Variants in GALNT17 observed in about 807,000 individuals in gnomAD.
The protein encoded by GALNT17 is UDP-GalNAc:polypeptide N-acetylgalactosaminyltransferase-like 3.
GALNT17 carries 29 observed loss-of-function variants against 63.7 expected under a neutral mutation model. The observed-to-expected ratio is 0.46, with a 90% CI of 0.34 to 0.62. The LOEUF (loss-of-function observed/expected upper bound fraction) is 0.62. Ranked by LOEUF, GALNT17 falls within the 20% of genes least tolerant of loss-of-function variation. The pLI is 0.01. For synonymous variants in GALNT17, 305 were observed against 318.3 expected (o/e 0.96, Z 0.45); for missense variants, 603 against 799.6 (o/e 0.75, Z 2.97).
chr7:71,428,043 A>G (rs770004789), intron 5 of GALNT17, among the ~76,000 whole-genome samples: 1 of 152,222 alleles, frequency 6.6e-6, no homozygotes, highest in Non-Finnish European at 1.5e-5. Flanking sequence ...CTGCTGATCT[A>G]GAGCATCCCT....
At chr7:71,668,334 T>C (rs1791016135) in intron 7 of GALNT17, among the ~76,000 whole-genome samples, 1 of 151,828 alleles carries the variant, frequency 6.6e-6, no homozygotes, top group South Asian at 2.1e-4. Flanking sequence ...CTGACCAACA[T>C]GGAGAAACCC....
intron 1 of GALNT17, among the ~76,000 whole-genome samples, chr7:71,195,617 G>A (rs1465413356): frequency 6.7e-6 from 1 of 149,878 alleles, no homozygotes; most frequent in Non-Finnish European, 1.5e-5. Flanking sequence ...TTGCAATCAT[G>A]GCTTACTGCA....
chr7:71,415,624 T>A (rs1793509624), intron 3 of GALNT17, among the ~76,000 whole-genome samples: 1 of 152,172 alleles, frequency 6.6e-6, no homozygotes. Flanking sequence ...TGCCGGCTCA[T>A]AGCAGCCGGG....
At position 71,185,156 on chromosome 7, in the gene GALNT17, T is replaced by G. The variant is rs1403375868; in HGVS notation, c.238+52116T>G. 5.7e-5 allele frequency among the ~76,000 whole-genome samples: 6 copies of G among 104,576 alleles called. No homozygotes were observed. In the East Asian group the frequency reaches 1.9e-3, roughly 33 times the overall value. The allele number at this position is 104,576 out of a possible 152,430, so 68.6% of individuals were successfully genotyped here. A position where few individuals can be genotyped will look rare whatever the true frequency, so the allele number is the denominator to read the frequency against. On this transcript the variant is annotated intron_variant, in intron 1 of 10. Coordinates refer to ENST00000333538, the MANE Select transcript of GALNT17 (RefSeq NM_022479.3). ...TCTCCTCCCCTCCCGTCCCCTCCCC[T>G]TCCTTCCTCTCTGTCCCCTCCTTCC...
At chr7:71,258,260 C>G (rs1254075678) in intron 1 of GALNT17, among the ~76,000 whole-genome samples, 1 of 152,196 alleles carries the variant, frequency 6.6e-6, no homozygotes, top group Non-Finnish European at 1.5e-5. Flanking sequence ...TTGCTTCTTG[C>G]AAATACTAGA....
intron 1 of GALNT17, among the ~76,000 whole-genome samples, chr7:71,161,179 C>G (rs909952751): frequency 6.6e-6 from 1 of 152,158 alleles, no homozygotes; most frequent in South Asian, 2.1e-4. Flanking sequence ...TTTATACTTT[C>G]ACCAGCAATG....
At chr7:71,591,716 G>A (rs943172425) in intron 6 of GALNT17, among the ~76,000 whole-genome samples, 9 of 152,132 alleles carry the variant, frequency 5.9e-5, no homozygotes, top group African/African-American at 1.9e-4. Flanking sequence ...AGGCTGGAGT[G>A]CAGTGGCGTG....
chr7:71,416,767 G>C (rs1485959538), intron 4 of GALNT17, among the ~76,000 whole-genome samples: 1 of 152,134 alleles, frequency 6.6e-6, no homozygotes, highest in Non-Finnish European at 1.5e-5. Flanking sequence ...TGTGAGAAAA[G>C]AGATATAGTT....
At chr7:71,154,732 ATGCCCGG>A (rs1788201066) in intron 1 of GALNT17, among the ~76,000 whole-genome samples, 1 of 151,876 alleles carries the variant, frequency 6.6e-6, no homozygotes, top group African/African-American at 2.4e-5. Flanking sequence ...GCCCGCCACC[ATGCCCGG>A]CTAATTTTTT....
intron 1 of GALNT17, among the ~76,000 whole-genome samples, chr7:71,221,383 CTT>C (rs33954579): frequency 0.022 from 2,428 of 110,722 alleles, 67 homozygotes; most frequent in African/African-American, 0.077. Context: ...TACAGCCATG[CTT>C]TTTTTTTTTT....
At chr7:71,377,563 A>C (rs1402388724) in intron 2 of GALNT17, among the ~76,000 whole-genome samples, 1 of 152,132 alleles carries the variant, frequency 6.6e-6, no homozygotes, top group Non-Finnish European at 1.5e-5. Flanking sequence ...AGCTGTTAAA[A>C]GGTATGAATT....
At chr7:71,153,945 AT>A (rs1788181494) in intron 1 of GALNT17, among the ~76,000 whole-genome samples, 1 of 131,928 alleles carries the variant, frequency 7.6e-6, no homozygotes, top group African/African-American at 2.8e-5. Flanking sequence ...AAAATAAAAA[AT>A]AAAAAAATAA....
At chr7:71,208,407 T>C (rs1447642553) in intron 1 of GALNT17, among the ~76,000 whole-genome samples, 1 of 151,650 alleles carries the variant, frequency 6.6e-6, no homozygotes, top group African/African-American at 2.4e-5. Context: ...GAAACATTTA[T>C]GGCATAGCCT....
intron 1 of GALNT17, among the ~76,000 whole-genome samples, chr7:71,154,761 A>G (rs1196475224): frequency 6.7e-6 from 1 of 149,370 alleles, no homozygotes; most frequent in Non-Finnish European, 1.5e-5. Flanking sequence ...TATTTTTAGT[A>G]GAGATGGGGT....
intron 1 of GALNT17, among the ~76,000 whole-genome samples, chr7:71,257,727 TG>T (rs1435588255): frequency 6.6e-6 from 1 of 152,204 alleles, no homozygotes; most frequent in Non-Finnish European, 1.5e-5. Context: ...ATGGATCTGC[TG>T]CAGAACGAAC....
intron 1 of GALNT17, among the ~76,000 whole-genome samples, chr7:71,263,792 C>T (rs1315521874): frequency 3.3e-5 from 5 of 152,038 alleles, no homozygotes; most frequent in East Asian, 3.9e-4. Context: ...GGCGTGGTGG[C>T]AGGCGCCTGT....
chr7:71,266,848 A>T lies in GALNT17; in HGVS notation c.239-68702A>T, dbSNP rs1202638. Among the ~76,000 whole-genome samples the T allele has an allele frequency of 2.7e-3, 416 of 152,274 alleles. 1 individual carries two copies. Among genetic ancestry groups the T allele is most frequent in the African/African-American group, 9.7e-3 (402 of 41,562 alleles). On this transcript the variant is annotated intron_variant, in intron 1 of 10. Transcript: ENST00000333538. ...AATATTGTCACTGGAGATGGGCAGGAGATGGTGGCTTGAACTAAGAGGGAA... is the reference window on the plus strand; with the variant it reads ...AATATTGTCACTGGAGATGGGCAGGTGATGGTGGCTTGAACTAAGAGGGAA...
chr7:71,273,845 G>A (rs1790636085), intron 1 of GALNT17, among the ~76,000 whole-genome samples: 1 of 151,852 alleles, frequency 6.6e-6, no homozygotes, highest in Admixed American at 6.6e-5. Flanking sequence ...GATAATGTGT[G>A]TGTGTGTGTG....
chr7:71,290,722 C>T (rs1039946936), intron 1 of GALNT17, among the ~76,000 whole-genome samples: 3 of 152,200 alleles, frequency 2.0e-5, no homozygotes, highest in African/African-American at 7.2e-5. Context: ...AAAATCCTCC[C>T]TGAAGTTCCA....
Sources: allele counts gnomAD v4.1 joint callset (sites outside exome capture counted in the v4.1 genomes callset), GRCh38; gene constraint gnomAD v4.1.1; transcripts MANE v1.5; gene names NCBI Gene and HGNC (gene_info 2026-07-23, HGNC 2026-07-21).